INTS4: variants seen among roughly 807,000 people sequenced by gnomAD.
INTS4 encodes MSTP093.
In INTS4, 70 loss-of-function variants were observed where a neutral mutation model predicts 119.5. The ratio of observed to expected loss-of-function variants is 0.59; its 90% CI spans 0.48 to 0.71. The LOEUF is 0.71. Ranked by LOEUF, INTS4 falls within the 30% of genes least tolerant of loss-of-function variation. INTS4 has a pLI of 0.00. For missense variants in INTS4, 867 were observed against 1,173.2 expected (o/e 0.74, Z 3.81); for synonymous variants, 316 against 419.6 (o/e 0.75, Z 3.02).
At chr11:77,961,476 C>T (rs541442863) in intron 4 of INTS4, among the ~76,000 whole-genome samples, 1 of 152,064 alleles carries the variant, frequency 6.6e-6, no homozygotes, top group African/African-American at 2.4e-5. Flanking sequence ...TAAAACCAGA[C>T]AAAAATGTAT....
At chr11:77,939,661 C>T (rs965545709) in intron 9 of INTS4, among the ~76,000 whole-genome samples, 1 of 151,874 alleles carries the variant, frequency 6.6e-6, no homozygotes, top group African/African-American at 2.4e-5. Flanking sequence ...ATATCAGCCT[C>T]TCATTAAACC....
At chr11:77,965,167 A>G (rs1855445810) in intron 4 of INTS4, among the ~76,000 whole-genome samples, 1 of 152,068 alleles carries the variant, frequency 6.6e-6, no homozygotes, top group Non-Finnish European at 1.5e-5. Context: ...GGTTCAAGCA[A>G]TCCTCCTGAC....
chr11:77,963,106 C>A (rs1303537289), intron 4 of INTS4, among the ~76,000 whole-genome samples: 1 of 151,978 alleles, frequency 6.6e-6, no homozygotes, highest in Non-Finnish European at 1.5e-5. Context: ...GTTGATTGCA[C>A]CTCTGTTACA....
intron 8 of INTS4, among the ~76,000 whole-genome samples, chr11:77,942,812 A>G (rs1354534523): frequency 6.6e-6 from 1 of 152,230 alleles, no homozygotes; most frequent in Admixed American, 6.5e-5. Flanking sequence ...ATGCTTATAC[A>G]GGCTCAGATC....
chr11:77,987,981 C>A lies in INTS4; in HGVS notation c.246+3127G>T, dbSNP rs547025395. ...GACCAACCTTGGTAACATGGTGAAACCTCATCTCTATCAAAAATATAAAAA... is the reference window on the plus strand; with the variant it reads ...GACCAACCTTGGTAACATGGTGAAAACTCATCTCTATCAAAAATATAAAAA... On this transcript the variant is annotated intron_variant, in intron 2 of 22. Transcript: ENST00000534064. 3.9e-5 allele frequency among the ~76,000 whole-genome samples: 6 copies of A among 152,254 alleles called. No individual in the cohort carries two copies. The South Asian group carries it at 1.2e-3, about 32-fold the overall frequency.
intron 4 of INTS4, chr11:77,963,517 T>A: frequency 5.1e-6 from 2 of 395,444 alleles, no homozygotes; most frequent in South Asian, 3.8e-5. Context: ...ATGGAGCAAG[T>A]AAGGAAACCA....
intron 15 of INTS4, among the ~76,000 whole-genome samples, chr11:77,909,251 T>C (rs1953034181): frequency 6.6e-6 from 1 of 152,250 alleles, no homozygotes; most frequent in African/African-American, 2.4e-5. Context: ...AATAAGCCAC[T>C]TAATCATACC....
chr11:77,917,078 C>A (rs765639609), intron 15 of INTS4, among the ~76,000 whole-genome samples: 2 of 152,098 alleles, frequency 1.3e-5, no homozygotes, highest in Non-Finnish European at 2.9e-5. Flanking sequence ...AAGTACAAAG[C>A]GCTGTTATCC....
intron 12 of INTS4, among the ~76,000 whole-genome samples, chr11:77,923,400 A>G (rs570569666): frequency 4.5e-4 from 68 of 152,154 alleles, no homozygotes; most frequent in African/African-American, 1.5e-3. Context: ...GAATCCTGAA[A>G]CCAACCTTCT....
chr11:77,879,731 A>C (rs898343744), intron 22 of INTS4, among the ~76,000 whole-genome samples: 4 of 152,228 alleles, frequency 2.6e-5, no homozygotes, highest in Non-Finnish European at 5.9e-5. Flanking sequence ...AGAATAATTA[A>C]GAACTCCCCT....
chr11:77,882,234 T>G (rs1189090743), intron 22 of INTS4, among the ~76,000 whole-genome samples: 5 of 152,132 alleles, frequency 3.3e-5, no homozygotes. Flanking sequence ...TTAAAATTAT[T>G]CAGGCTCAGG....
chr11:77,947,839 C>T (rs1292920035), intron 8 of INTS4, among the ~76,000 whole-genome samples: 1 of 152,100 alleles, frequency 6.6e-6, no homozygotes, highest in East Asian at 1.9e-4. Context: ...TCTATTGTAA[C>T]TGCAAGACTT....
chr11:77,990,520 T>C (rs1238719647), intron 2 of INTS4, among the ~76,000 whole-genome samples: 3 of 151,994 alleles, frequency 2.0e-5, no homozygotes, highest in Admixed American at 6.6e-5. Context: ...ACCCCGTCTC[T>C]ACTAAAAATA....
chr11:77,916,281 T>C (rs1046236990), intron 15 of INTS4, among the ~76,000 whole-genome samples: 1 of 152,216 alleles, frequency 6.6e-6, no homozygotes, highest in Non-Finnish European at 1.5e-5. Context: ...TCATAGAGTA[T>C]ATTTACACAA....
chr11:77,956,578 A>G (rs1178985274), intron 7 of INTS4, among the ~76,000 whole-genome samples: 1 of 151,860 alleles, frequency 6.6e-6, no homozygotes, highest in African/African-American at 2.4e-5. Flanking sequence ...ATGGTGACAC[A>G]TGTCTGCAAT....
chr11:77,943,222 T>C (rs1341440425), intron 8 of INTS4, among the ~76,000 whole-genome samples: 8 of 152,306 alleles, frequency 5.3e-5, no homozygotes, highest in East Asian at 1.9e-4. Context: ...GGGAGTGCTA[T>C]GCAAATTTGT....
intron 8 of INTS4, among the ~76,000 whole-genome samples, chr11:77,953,995 G>A (rs953893459): frequency 1.3e-5 from 2 of 151,738 alleles, no homozygotes; most frequent in African/African-American, 4.8e-5. Context: ...TGTATTTTTA[G>A]TAGAGACGGG....
chr11:77,968,972 C>T (rs1222955628), intron 4 of INTS4, among the ~76,000 whole-genome samples: 2 of 152,118 alleles, frequency 1.3e-5, no homozygotes, highest in Non-Finnish European at 2.9e-5. Flanking sequence ...GAGACAGAGT[C>T]TCACTCTGTC....
chr11:77,942,376 G>GT lies in INTS4; in HGVS notation c.919-1126dup, dbSNP rs529720246. On this transcript the variant is annotated intron_variant, in intron 8 of 22. Transcript: ENST00000534064. ...TATTAAGTCGTTTTACAAATGGAACGTAAGATAGGGCTCCTGAAAATGAGG... is the reference window on the plus strand; with the variant it reads ...TATTAAGTCGTTTTACAAATGGAACGTTAAGATAGGGCTCCTGAAAATGAGG... 2.1e-4 allele frequency among the ~76,000 whole-genome samples: 32 copies of GT among 152,278 alleles called. No individual in the cohort carries two copies. In the South Asian group the frequency reaches 5.2e-3, roughly 25 times the overall value.
Sources: gnomAD v4.1 joint callset for allele counts (sites outside exome capture counted in the v4.1 genomes callset) on GRCh38, gnomAD v4.1.1 for gene constraint, MANE v1.5 for transcripts, NCBI Gene and HGNC (gene_info 2026-07-23, HGNC 2026-07-21) for gene names.